DLGAP2: variants seen among roughly 807,000 people sequenced by gnomAD.
DLGAP2 encodes the protein disks large-associated protein 2.
In DLGAP2, 26 loss-of-function variants were observed where a neutral mutation model predicts 100.3. The observed-to-expected ratio is 0.26, with a 90% CI of 0.19 to 0.36. DLGAP2 has a LOEUF of 0.36. Ranked by LOEUF, DLGAP2 falls within the 10% of genes least tolerant of loss-of-function variation. The pLI is 1.00. For synonymous variants in DLGAP2, 886 were observed against 630.1 expected (o/e 1.41, Z -6.08); for missense variants, 1,858 against 1,453.2 (o/e 1.28, Z -4.53).
At chr8:1,198,295 C>T (rs1447071531) in intron 2 of DLGAP2, among the ~76,000 whole-genome samples, 2 of 152,136 alleles carry the variant, frequency 1.3e-5, no homozygotes, top group Non-Finnish European at 1.5e-5. Context: ...AGTTTGTGAC[C>T]AGAAAGCAGC....
At chr8:1,307,494 A>C (rs928778536) in intron 3 of DLGAP2, among the ~76,000 whole-genome samples, 1 of 152,194 alleles carries the variant, frequency 6.6e-6, no homozygotes, top group Non-Finnish European at 1.5e-5. Context: ...GAATTTTCCT[A>C]TGCCCCAGAA....
intron 4 of DLGAP2, among the ~76,000 whole-genome samples, chr8:1,522,738 T>C (rs1157476325): frequency 6.6e-6 from 1 of 152,184 alleles, no homozygotes; most frequent in Non-Finnish European, 1.5e-5. Context: ...TGACCTGCTG[T>C]GTAAACTTTC....
intron 1 of DLGAP2, among the ~76,000 whole-genome samples, chr8:766,119 A>G (rs1821209655): frequency 6.6e-6 from 1 of 152,180 alleles, no homozygotes; most frequent in African/African-American, 2.4e-5. Flanking sequence ...GTGAGTCGAG[A>G]TTGTGCCATT....
intron 3 of DLGAP2, among the ~76,000 whole-genome samples, chr8:1,488,215 C>G (rs909771940): frequency 1.4e-4 from 22 of 152,272 alleles, no homozygotes; most frequent in Non-Finnish European, 2.1e-4. Context: ...CCTCCACCCC[C>G]CTGCAAACTC....
intron 8 of DLGAP2, among the ~76,000 whole-genome samples, chr8:1,663,853 T>C (rs562649892): frequency 6.6e-6 from 1 of 152,194 alleles, no homozygotes; most frequent in Non-Finnish European, 1.5e-5. Flanking sequence ...AATGGTCATT[T>C]GCTGTTTCTG....
At chr8:1,114,923 C>T (rs907178995) in intron 2 of DLGAP2, among the ~76,000 whole-genome samples, 1 of 152,134 alleles carries the variant, frequency 6.6e-6, no homozygotes, top group African/African-American at 2.4e-5. Context: ...CAAAGAACTT[C>T]TTGATTTCTG....
Position 1,668,402 on chromosome 8 carries a change from G to A in DLGAP2, c.1884G>A (p.Ser628=), listed in dbSNP as rs373089965. ...GGACCACCTCCAAGCCTCTGATCTC[G>A]GTGACGGCGCAGAGCAGCACCGAAT... is the stretch of plus-strand genomic sequence containing the variant. ...PPRTTSKPLI[S]VTAQSSTEST... Residue 628 remains serine, a synonymous_variant, in exon 9 of 15, where the codon TCG becomes TCA. Transcript: ENST00000637795. 1.2e-5 allele frequency: 20 copies of A among 1,603,438 alleles called. No homozygotes were observed. Among genetic ancestry groups the A allele is most frequent in the African/African-American group, 8.0e-5 (6 of 74,608 alleles).
chr8:1,103,357 G>A (rs1015313951), intron 2 of DLGAP2, among the ~76,000 whole-genome samples: 4 of 152,016 alleles, frequency 2.6e-5, no homozygotes, highest in Non-Finnish European at 4.4e-5. Flanking sequence ...TTGGTTAACG[G>A]TGATGACTGA....
At chr8:1,324,551 T>C (rs974451052) in intron 3 of DLGAP2, among the ~76,000 whole-genome samples, 12 of 152,204 alleles carry the variant, frequency 7.9e-5, no homozygotes, top group African/African-American at 2.9e-4. Context: ...TGTAAAACTG[T>C]CCAGGACACA....
At chr8:852,913 G>C (rs1380727470) in intron 1 of DLGAP2, among the ~76,000 whole-genome samples, 1 of 116,400 alleles carries the variant, frequency 8.6e-6, no homozygotes, top group Non-Finnish European at 1.8e-5. Context: ...TTCTGCAACA[G>C]ATTTTGGTAA....
intron 1 of DLGAP2, among the ~76,000 whole-genome samples, chr8:796,765 A>AT (rs1343004511): frequency 2.6e-5 from 4 of 152,284 alleles, no homozygotes; most frequent in African/African-American, 7.2e-5. Context: ...TGCCCGCACT[A>AT]TAACATGCCA....
At chr8:940,997 T>G (rs1799184044) in intron 2 of DLGAP2, among the ~76,000 whole-genome samples, 1 of 152,148 alleles carries the variant, frequency 6.6e-6, no homozygotes, top group South Asian at 2.1e-4. Flanking sequence ...CCCCCACCCA[T>G]CTACAGGTTT....
intron 1 of DLGAP2, among the ~76,000 whole-genome samples, chr8:827,408 CT>C (rs1796701748): frequency 6.6e-6 from 1 of 152,132 alleles, no homozygotes; most frequent in African/African-American, 2.4e-5. Flanking sequence ...CACATTTGGA[CT>C]TTCAGGAATA....
chr8:997,419 A>G (rs1800811842), intron 2 of DLGAP2, among the ~76,000 whole-genome samples: 1 of 152,206 alleles, frequency 6.6e-6, no homozygotes, highest in African/African-American at 2.4e-5. Context: ...ATGTTATAAG[A>G]CATTGAACCA....
At chr8:1,365,071 A>G (rs1426570922) in intron 3 of DLGAP2, among the ~76,000 whole-genome samples, 1 of 152,160 alleles carries the variant, frequency 6.6e-6, no homozygotes, top group Non-Finnish European at 1.5e-5. Flanking sequence ...ACCATAGAGA[A>G]ACCCCGCAAG....
Position 1,321,917 on chromosome 8 carries a change from CA to C in DLGAP2, c.106+63037del, listed in dbSNP as rs1315865535. Among the ~76,000 whole-genome samples, 16 of 152,300 alleles carry C rather than the reference CA, an allele frequency of 1.1e-4. No individual in the cohort carries two copies. In the East Asian group the frequency reaches 2.7e-3, roughly 26 times the overall value. On this transcript the variant is annotated intron_variant, in intron 3 of 14. Coordinates refer to ENST00000637795, the MANE Select transcript of DLGAP2 (RefSeq NM_001346810.2). ...TTCTGCAGCTTACAGAGCAACCAAA[CA>C]AACTGATTCAGTAAATACAGGCATT...
intron 2 of DLGAP2, among the ~76,000 whole-genome samples, chr8:986,715 A>G (rs1273891790): frequency 6.7e-6 from 1 of 149,816 alleles, no homozygotes; most frequent in Non-Finnish European, 1.5e-5. Context: ...GCTGGAGTGC[A>G]ATGATGCAAT....
intron 2 of DLGAP2, among the ~76,000 whole-genome samples, chr8:1,088,228 T>A: frequency 6.6e-6 from 1 of 152,212 alleles, no homozygotes; most frequent in East Asian, 1.9e-4. Flanking sequence ...TATTCATTGC[T>A]TCTCCTTGGA....
At chr8:828,982 G>A (rs923764011) in intron 1 of DLGAP2, among the ~76,000 whole-genome samples, 13 of 152,258 alleles carry the variant, frequency 8.5e-5, no homozygotes, top group Admixed American at 8.5e-4. Context: ...ATGAATCACT[G>A]GCTTTTAGTT....
Sources: allele counts gnomAD v4.1 joint callset (sites outside exome capture counted in the v4.1 genomes callset), GRCh38; gene constraint gnomAD v4.1.1; transcripts MANE v1.5; gene names NCBI Gene and HGNC (gene_info 2026-07-23, HGNC 2026-07-21).